BMPER: variants seen among roughly 807,000 people sequenced by gnomAD.
The protein encoded by BMPER is BMP-binding endothelial regulator protein.
Under a neutral mutation model 87.3 loss-of-function variants are expected in BMPER, and 45 were observed. That is an observed-to-expected ratio of 0.52 (90% CI 0.41 to 0.66). The LOEUF is 0.66. BMPER is among the 30% of genes least tolerant of loss of function. BMPER has a pLI of 0.00. For synonymous variants in BMPER, 326 were observed against 316.2 expected (o/e 1.03, Z -0.33); for missense variants, 784 against 867.5 (o/e 0.90, Z 1.21).
At chr7:33,929,886 C>T (rs918642003) in intron 2 of BMPER, among the ~76,000 whole-genome samples, 1 of 152,216 alleles carries the variant, frequency 6.6e-6, no homozygotes, top group Non-Finnish European at 1.5e-5. Flanking sequence ...GTTCAGCAAC[C>T]TGCCTGGAAA....
chr7:34,021,530 G>A (rs972229615), intron 6 of BMPER, among the ~76,000 whole-genome samples: 1 of 151,962 alleles, frequency 6.6e-6, no homozygotes. Flanking sequence ...TGAGGCAATT[G>A]TACCTATGGT....
chr7:34,148,855 T>C (rs1247894573), intron 14 of BMPER, among the ~76,000 whole-genome samples: 2 of 152,284 alleles, frequency 1.3e-5, no homozygotes, highest in African/African-American at 4.8e-5. Context: ...GTTTTTATAC[T>C]ACCAGGAATC....
chr7:33,909,524 A>G (rs1252263314), intron 2 of BMPER, among the ~76,000 whole-genome samples: 1 of 152,156 alleles, frequency 6.6e-6, no homozygotes, highest in Admixed American at 6.6e-5. Context: ...GTTAGTGGTT[A>G]GCTGGTTTTA....
In BMPER at chr7:34,057,769, C is replaced by A. The variant is rs55731536; in HGVS notation, c.928-290C>A. ...GTGGAACTAAGTAAACAATGCATGA[C>A]AACAAGACATAAATATGACTTGGTT... On this transcript the variant is annotated intron_variant, in intron 9 of 14. Transcript: ENST00000649409. Among the ~76,000 whole-genome samples the A allele has an allele frequency of 4.9e-4, 75 of 152,090 alleles. 2 individuals are homozygous for A. Among genetic ancestry groups the A allele is most frequent in the African/African-American group, 1.7e-3 (71 of 41,482 alleles).
chr7:34,017,464 G>A (rs1364955802), intron 6 of BMPER, among the ~76,000 whole-genome samples: 1 of 151,710 alleles, frequency 6.6e-6, no homozygotes, highest in African/African-American at 2.4e-5. Flanking sequence ...GATCTCATAA[G>A]CCTTATTCAC....
intron 2 of BMPER, among the ~76,000 whole-genome samples, chr7:33,926,868 A>T (rs1484212120): frequency 6.6e-6 from 1 of 152,248 alleles, no homozygotes. Flanking sequence ...CTAACTGGAC[A>T]ACCTCTGTAG....
At chr7:33,933,592 G>A (rs1784531524) in intron 2 of BMPER, among the ~76,000 whole-genome samples, 1 of 152,126 alleles carries the variant, frequency 6.6e-6, no homozygotes, top group Non-Finnish European at 1.5e-5. Flanking sequence ...TCAGAGGCAT[G>A]ATAGGCACAT....
intron 6 of BMPER, among the ~76,000 whole-genome samples, chr7:33,982,210 C>G (rs1042345835): frequency 6.6e-6 from 1 of 152,204 alleles, no homozygotes; most frequent in Non-Finnish European, 1.5e-5. Flanking sequence ...TGAACCCTCT[C>G]TCATGCCCTC....
intron 3 of BMPER, among the ~76,000 whole-genome samples, chr7:33,946,887 T>C (rs985215817): frequency 2.6e-5 from 4 of 152,260 alleles, no homozygotes; most frequent in African/African-American, 9.6e-5. Context: ...ATTCATTTAT[T>C]AATTTAACAA....
chr7:34,098,157 C>T (rs561728096), intron 13 of BMPER, among the ~76,000 whole-genome samples: 12 of 152,180 alleles, frequency 7.9e-5, no homozygotes, highest in Admixed American at 2.0e-4. Flanking sequence ...TCCATAGAGA[C>T]GCCAGTGTGG....
chr7:33,993,105 C>T, intron 6 of BMPER, among the ~76,000 whole-genome samples: 1 of 115,822 alleles, frequency 8.6e-6, no homozygotes. Flanking sequence ...CTTGGAGTTG[C>T]TCTTCTCGAG....
At chr7:34,009,447 TAGTAAGGA>T (rs1786821102) in intron 6 of BMPER, among the ~76,000 whole-genome samples, 1 of 151,946 alleles carries the variant, frequency 6.6e-6, no homozygotes, top group African/African-American at 2.4e-5. Context: ...CCACTTGTTC[TAGTAAGGA>T]CCACCTTGGC....
At chr7:34,002,534 G>A (rs1786608823) in intron 6 of BMPER, among the ~76,000 whole-genome samples, 1 of 151,578 alleles carries the variant, frequency 6.6e-6, no homozygotes, top group African/African-American at 2.4e-5. Flanking sequence ...GTATCTGTTA[G>A]GCCTACTTGA....
intron 6 of BMPER, among the ~76,000 whole-genome samples, chr7:33,993,619 C>T (rs560214731): frequency 2.4e-4 from 36 of 152,136 alleles, no homozygotes; most frequent in Admixed American, 4.6e-4. Context: ...TCTCTCAGCT[C>T]GTCAAAGTCA....
At chr7:34,066,866 A>G (rs1788607153) in intron 11 of BMPER, among the ~76,000 whole-genome samples, 1 of 152,114 alleles carries the variant, frequency 6.6e-6, no homozygotes, top group South Asian at 2.1e-4. Flanking sequence ...AGAGAGAGAG[A>G]CTGAGATTGA....
At chr7:34,073,219 A>C (rs1434233858) in intron 11 of BMPER, among the ~76,000 whole-genome samples, 1 of 152,226 alleles carries the variant, frequency 6.6e-6, no homozygotes, top group Admixed American at 6.5e-5. Flanking sequence ...TCCATGTATT[A>C]CATATATACC....
chr7:33,977,795 T>C (rs1785727467), intron 6 of BMPER, among the ~76,000 whole-genome samples: 2 of 152,198 alleles, frequency 1.3e-5, no homozygotes, highest in Admixed American at 6.5e-5. Context: ...AAAAACATGC[T>C]TATAAATACA....
intron 6 of BMPER, among the ~76,000 whole-genome samples, chr7:34,017,695 G>A (rs899673288): frequency 2.0e-5 from 3 of 151,752 alleles, no homozygotes; most frequent in African/African-American, 7.3e-5. Context: ...ACACATTACT[G>A]AGCCTTCACC....
Position 33,905,555 on chromosome 7 carries a change from A to T in BMPER, c.-59A>T. On this transcript the variant is annotated 5_prime_UTR_variant, in exon 1 of 15. Transcript: ENST00000649409. ...GCCCTTTTCGACTGTGAGCTGCGGC[A>T]GCTGAGCAGAGGCGGCGGCGCGGGA... The T allele has an allele frequency of 6.3e-7, 1 of 1,599,468 alleles. No homozygotes were observed.
Sources: allele counts gnomAD v4.1 joint callset (sites outside exome capture counted in the v4.1 genomes callset), GRCh38; gene constraint gnomAD v4.1.1; transcripts MANE v1.5; gene names NCBI Gene and HGNC (gene_info 2026-07-23, HGNC 2026-07-21).